ZNF804B: variants seen among roughly 807,000 people sequenced by gnomAD.
The protein encoded by ZNF804B is zinc finger protein 804B, also known as zinc finger 804B.
A neutral mutation model predicts 101.4 loss-of-function variants in ZNF804B; 80 were observed. That is an observed-to-expected ratio of 0.79 (90% CI 0.66 to 0.95). ZNF804B has a LOEUF of 0.95. Among genes scored for constraint, ZNF804B ranks in the 40% least tolerant of loss-of-function variants. The pLI is 0.00. For missense variants in ZNF804B, 1,673 were observed against 1,561.9 expected, an observed-to-expected ratio of 1.07 and a Z score of -1.20; for synonymous variants, 622 against 558.8, an observed-to-expected ratio of 1.11 and a Z score of -1.59.
At chr7:88,769,727 G>A (rs372720024) in intron 1 of ZNF804B, among the ~76,000 whole-genome samples, 2 of 152,160 alleles carry the variant, frequency 1.3e-5, no homozygotes, top group East Asian at 3.9e-4. Flanking sequence ...GACCACTGCA[G>A]CCTTTGAGAT....
intron 2 of ZNF804B, among the ~76,000 whole-genome samples, chr7:89,288,033 T>C (rs1790234112): frequency 6.6e-6 from 1 of 151,752 alleles, no homozygotes; most frequent in Admixed American, 6.6e-5. Context: ...AATTACTAGA[T>C]ATGCAAAGAA....
Position 89,285,289 on chromosome 7 carries a change from G to A in ZNF804B, c.250-42055G>A, listed in dbSNP as rs191058906. On this transcript the variant is annotated intron_variant, in intron 2 of 3. Coordinates refer to ENST00000333190, the MANE Select transcript of ZNF804B (RefSeq NM_181646.5). ...TGTAATCCCAGCACTTTGGGAGCCC[G>A]AGGCGGGTGGATCATGAGGTCAGGA... Among the ~76,000 whole-genome samples the A allele has an allele frequency of 3.8e-3, 575 of 151,756 alleles. 3 individuals carry two copies. Among genetic ancestry groups the A allele is most frequent in the African/African-American group, 0.013 (548 of 41,436 alleles).
chr7:89,298,594 G>A (rs998227144), intron 2 of ZNF804B, among the ~76,000 whole-genome samples: 41 of 151,516 alleles, frequency 2.7e-4, no homozygotes, highest in South Asian at 8.3e-4. Flanking sequence ...TTCATACCTT[G>A]TATTACAAAG....
At chr7:88,876,185 A>T (rs989889300) in intron 1 of ZNF804B, among the ~76,000 whole-genome samples, 2 of 152,148 alleles carry the variant, frequency 1.3e-5, no homozygotes, top group Non-Finnish European at 2.9e-5. Context: ...TCCCAGACAG[A>T]TCAGTTTTAG....
intron 1 of ZNF804B, among the ~76,000 whole-genome samples, chr7:88,993,346 G>A (rs1160793295): frequency 2.0e-5 from 3 of 151,946 alleles, no homozygotes; most frequent in Non-Finnish European, 2.9e-5. Context: ...TTATGTTGAC[G>A]TTTTACCAAA....
At chr7:88,813,763 C>G (rs1790830444) in intron 1 of ZNF804B, among the ~76,000 whole-genome samples, 1 of 152,120 alleles carries the variant, frequency 6.6e-6, no homozygotes, top group African/African-American at 2.4e-5. Flanking sequence ...TTCTTAAGAT[C>G]CACATAAACT....
chr7:89,183,266 C>T (rs1281394982), intron 1 of ZNF804B, among the ~76,000 whole-genome samples: 2 of 151,948 alleles, frequency 1.3e-5, no homozygotes, highest in Non-Finnish European at 2.9e-5. Flanking sequence ...CCCTGAGGAA[C>T]AGACCAAAAA....
intron 1 of ZNF804B, among the ~76,000 whole-genome samples, chr7:88,769,649 G>T (rs149605534): frequency 8.9e-4 from 135 of 152,244 alleles, no homozygotes; most frequent in African/African-American, 2.8e-3. Flanking sequence ...TACATAAGAA[G>T]AAGGAAAAAT....
chr7:89,075,283 A>C (rs1350067342), intron 1 of ZNF804B, among the ~76,000 whole-genome samples: 2 of 152,070 alleles, frequency 1.3e-5, no homozygotes, highest in African/African-American at 4.8e-5. Flanking sequence ...CCCATCACAG[A>C]CCAGAGGCCT....
At chr7:89,237,174 A>G (rs770134088) in intron 2 of ZNF804B, among the ~76,000 whole-genome samples, 1 of 152,198 alleles carries the variant, frequency 6.6e-6, no homozygotes, top group Non-Finnish European at 1.5e-5. Context: ...ATGAATAACA[A>G]TAACATTTAT....
intron 1 of ZNF804B, among the ~76,000 whole-genome samples, chr7:89,178,254 A>C (rs1303022797): frequency 6.6e-6 from 1 of 150,454 alleles, no homozygotes; most frequent in African/African-American, 2.4e-5. Flanking sequence ...GGGTAGTTTC[A>C]TCCATTTACA....
Position 89,334,562 on chromosome 7 carries a change from T to A in ZNF804B, c.1580T>A (p.Ile527Asn). ...TTAACTGAAGACCAACAAAAATTGA[T>A]CCAAGAAGATTATCAATATCCGAAA... ...SGLTEDQQKL[I>N]QEDYQYPKPK... Residue 527 changes from isoleucine (I) to asparagine (N), a missense_variant, in exon 4 of 4, where the codon ATC (isoleucine) becomes AAC (asparagine). Transcript: ENST00000333190. 6.2e-7 allele frequency: 1 copy of A among 1,613,592 alleles called. No individual in the cohort carries two copies. The highest frequency in any genetic ancestry group is 8.5e-7 in the Non-Finnish European group (1 of 1,179,806).
At chr7:88,789,303 C>A (rs1265418820) in intron 1 of ZNF804B, among the ~76,000 whole-genome samples, 1 of 152,004 alleles carries the variant, frequency 6.6e-6, no homozygotes, top group African/African-American at 2.4e-5. Context: ...AGTAGACAGG[C>A]ATAATTTGCT....
At chr7:88,763,544 G>T (rs535706773) in intron 1 of ZNF804B, among the ~76,000 whole-genome samples, 107 of 149,510 alleles carry the variant, frequency 7.2e-4, no homozygotes, top group African/African-American at 2.5e-3. Flanking sequence ...TAAATCCAGG[G>T]ACATATTAAA....
At chr7:88,983,802 A>T (rs938268672) in intron 1 of ZNF804B, among the ~76,000 whole-genome samples, 1 of 152,038 alleles carries the variant, frequency 6.6e-6, no homozygotes, top group Non-Finnish European at 1.5e-5. Flanking sequence ...GGCACCGTTC[A>T]TCTTGATCTC....
At chr7:89,114,557 C>G (rs1790279360) in intron 1 of ZNF804B, among the ~76,000 whole-genome samples, 1 of 152,180 alleles carries the variant, frequency 6.6e-6, no homozygotes, top group African/African-American at 2.4e-5. Flanking sequence ...ATATCTGGTG[C>G]CACTAGTTTC....
intron 1 of ZNF804B, among the ~76,000 whole-genome samples, chr7:88,873,162 C>G (rs1312679555): frequency 1.2e-4 from 19 of 152,166 alleles, no homozygotes; most frequent in Admixed American, 1.2e-3. Flanking sequence ...GATTGCCATT[C>G]TAACTGGTGT....
chr7:88,879,484 A>C (rs978849438), intron 1 of ZNF804B, among the ~76,000 whole-genome samples: 3 of 152,222 alleles, frequency 2.0e-5, no homozygotes, highest in Non-Finnish European at 2.9e-5. Context: ...GTATGAAGTT[A>C]TTCAAGAAGT....
chr7:88,794,731 T>G (rs1790449220), intron 1 of ZNF804B: 6 of 1,613,474 alleles, frequency 3.7e-6, no homozygotes, highest in Non-Finnish European at 5.1e-6. Context: ...CTGAAACATT[T>G]GTTCATAGTA....
Sources: gnomAD v4.1 joint callset for allele counts (sites outside exome capture counted in the v4.1 genomes callset) on GRCh38, gnomAD v4.1.1 for gene constraint, MANE v1.5 for transcripts, NCBI Gene and HGNC (gene_info 2026-07-23, HGNC 2026-07-21) for gene names.